Variants in C2orf78 observed in about 807,000 individuals in gnomAD.
The protein encoded by C2orf78 is uncharacterized protein C2orf78.
A neutral mutation model predicts 21.4 loss-of-function variants in C2orf78; 12 were observed. The ratio of observed to expected loss-of-function variants is 0.56; its 90% confidence interval spans 0.36 to 0.91. The LOEUF (loss-of-function observed/expected upper bound fraction) is 0.91. C2orf78 is among the 40% of genes least tolerant of loss of function. The probability of loss-of-function intolerance (pLI) is 0.01; values close to 1 mark genes in which losing one functional copy is unlikely to be tolerated. For missense variants in C2orf78, 1,042 were observed against 1,092.4 expected (o/e 0.95, Z 0.65); for synonymous variants, 396 against 413.9 (o/e 0.96, Z 0.52).
exon 1 of C2orf78, chr2:73,784,326 C>T (rs1373197470): frequency 6.5e-6 from 8 of 1,231,502 alleles, no homozygotes; most frequent in Non-Finnish European, 9.2e-6. Flanking sequence ...TGGTTGGCTT[C>T]AGCCACCCAG....
At chr2:73,816,641 A>G in exon 3 of C2orf78, 2 of 1,613,646 alleles carry the variant, frequency 1.2e-6, no homozygotes, top group Non-Finnish European at 8.5e-7. Context: ...CTGTCCCTCA[A>G]TCTGCTGCTT....
chr2:73,812,493 CT>C (rs796641354), intron 1 of C2orf78, among the ~76,000 whole-genome samples: 29 of 152,196 alleles, frequency 1.9e-4, no homozygotes, highest in African/African-American at 5.8e-4. Flanking sequence ...GTTTAACTAG[CT>C]TTTTTCTTTC....
At chr2:73,810,151 T>G (rs1209317124) in intron 1 of C2orf78, among the ~76,000 whole-genome samples, 1 of 152,120 alleles carries the variant, frequency 6.6e-6, no homozygotes, top group African/African-American at 2.4e-5. Flanking sequence ...AAGCACCTTA[T>G]CAGAAGTCAT....
chr2:73,784,682 A>G (rs1301968789), intron 1 of C2orf78, among the ~76,000 whole-genome samples: 5 of 151,276 alleles, frequency 3.3e-5, no homozygotes, highest in African/African-American at 9.8e-5. Flanking sequence ...ACTGAGTCTT[A>G]AAGGGTATAC....
chr2:73,813,700 G>C (rs1368720189), exon 2 of C2orf78: 2 of 1,614,006 alleles, frequency 1.2e-6, no homozygotes, highest in Non-Finnish European at 1.7e-6. Flanking sequence ...CAACTATGTT[G>C]TCTGGGGTTA....
intron 1 of C2orf78, among the ~76,000 whole-genome samples, chr2:73,807,478 T>A (rs555709147): frequency 1.4e-3 from 16 of 11,606 alleles, no homozygotes; most frequent in African/African-American, 2.8e-3. Context: ...GAAAGTATCC[T>A]GAATGCCTCT....
intron 1 of C2orf78, among the ~76,000 whole-genome samples, chr2:73,810,020 A>G (rs1300226026): frequency 6.6e-6 from 1 of 152,214 alleles, no homozygotes; most frequent in Non-Finnish European, 1.5e-5. Context: ...ATTTGAAAAA[A>G]AAAGCAAAAG....
At chr2:73,812,550 C>T (rs1350338095) in intron 1 of C2orf78, among the ~76,000 whole-genome samples, 1 of 152,038 alleles carries the variant, frequency 6.6e-6, no homozygotes, top group African/African-American at 2.4e-5. Flanking sequence ...CCTGTAATCC[C>T]AGCACTTTGG....
Position 73,815,011 on chromosome 2 carries a change from G to T in C2orf78, c.848-60G>T, listed in dbSNP as rs150890453. On this transcript the variant is annotated intron_variant, in intron 2 of 2. Transcript: ENST00000409561. Reference sequence around the variant, plus strand: ...TGGAAAGGTATCCGATTGCTGCACTGGTGTGTAGGGGGAGCATCTCACTTA... The same window carrying T: ...TGGAAAGGTATCCGATTGCTGCACTTGTGTGTAGGGGGAGCATCTCACTTA... The T allele has an allele frequency of 3.3e-6, 5 of 1,503,134 alleles. No individual in the cohort carries two copies. The African/African-American group carries it at 6.9e-5, about 21-fold the overall frequency. The allele number at this position is 1,503,134 out of a possible 1,614,324, so 93.1% of individuals were successfully genotyped here. A position where few individuals can be genotyped will look rare whatever the true frequency, so the allele number is the denominator to read the frequency against.
At chr2:73,814,080 A>G (rs1673144326) in exon 2 of C2orf78, 1 of 1,613,648 alleles carries the variant, frequency 6.2e-7, no homozygotes, top group Non-Finnish European at 8.5e-7. Flanking sequence ...TCTGTGTCAT[A>G]CACAGGATAT....
chr2:73,808,941 T>C, intron 1 of C2orf78: 1 of 633,456 alleles, frequency 1.6e-6, no homozygotes, highest in Admixed American at 2.9e-5. Context: ...TCATGAGATT[T>C]CTTTGCCACT....
intron 2 of C2orf78, 72 bp downstream of exon 2, chr2:73,814,298 G>A: frequency 6.8e-7 from 1 of 1,471,270 alleles, no homozygotes; most frequent in Non-Finnish European, 9.1e-7. Context: ...TGTAGCGAGT[G>A]GTGAGTCCGT....
rs771430637 is a variant in C2orf78 at position 73,814,140 on chromosome 2, A to C, written c.761A>C (p.Gln254Pro). Reference sequence around the variant, plus strand: ...ATGGTGATGGTGCTGAAGGAGGTTCAGCCCACAAATGTCCTACCACCAGTC... The same window carrying C: ...ATGGTGATGGTGCTGAAGGAGGTTCCGCCCACAAATGTCCTACCACCAGTC... Residue 254 changes from glutamine to proline, a missense_variant, in exon 2 of 3, where the codon CAG (glutamine) becomes CCG (proline). Coordinates refer to ENST00000409561, the Ensembl canonical transcript of C2orf78. 16 of 1,611,650 alleles carry C rather than the reference A, an allele frequency of 9.9e-6. No individual in the cohort carries two copies. In the African/African-American group the frequency reaches 1.9e-4, roughly 19 times the overall value.
At chr2:73,810,872 A>G (rs1283904515) in intron 1 of C2orf78, among the ~76,000 whole-genome samples, 1 of 138,982 alleles carries the variant, frequency 7.2e-6, no homozygotes, top group Non-Finnish European at 1.5e-5. Flanking sequence ...ATATACATAT[A>G]AATTTTAAAT....
At chr2:73,811,678 C>T (rs1345900447) in intron 1 of C2orf78, among the ~76,000 whole-genome samples, 1 of 152,084 alleles carries the variant, frequency 6.6e-6, no homozygotes, top group African/African-American at 2.4e-5. Context: ...AACTTTCCTA[C>T]ATTCAAAACA....
intron 1 of C2orf78, among the ~76,000 whole-genome samples, chr2:73,812,549 C>T (rs571911366): frequency 6.6e-6 from 1 of 152,150 alleles, no homozygotes; most frequent in East Asian, 1.9e-4. Flanking sequence ...ACCTGTAATC[C>T]CAGCACTTTG....
rs753783897 is a variant in C2orf78, at chr2:73,815,297, GA to G, written c.1076del (p.Asn359MetfsTer15). 3.1e-6 allele frequency: 5 copies of G among 1,613,874 alleles called. No homozygotes were observed. The highest frequency in any genetic ancestry group is 4.2e-6 in the Non-Finnish European group (5 of 1,179,872). ...CAGCTCCAAGCCAGGAAAAAAATGA[GA>G]ATGAGAATTTGGATGAGATTAAAAC... On this transcript the variant is annotated frameshift_variant, in exon 3 of 3. Coordinates refer to ENST00000409561, the Ensembl canonical transcript of C2orf78. LOFTEE classifies it low-confidence loss of function (END_TRUNC).
At chr2:73,812,512 A>C (rs1363027615) in intron 1 of C2orf78, among the ~76,000 whole-genome samples, 1 of 152,108 alleles carries the variant, frequency 6.6e-6, no homozygotes, top group Admixed American at 6.6e-5. Context: ...TTCAAAAAGC[A>C]TTTCTTGGCC....
exon 3 of C2orf78, chr2:73,815,223 A>T: frequency 6.2e-7 from 1 of 1,613,958 alleles, no homozygotes; most frequent in South Asian, 1.1e-5. Flanking sequence ...GCTTGGGGAC[A>T]TTTCAATAAC....
Sources: allele counts gnomAD v4.1 joint callset (sites outside exome capture counted in the v4.1 genomes callset), GRCh38; gene constraint gnomAD v4.1.1; transcripts MANE v1.5; gene names NCBI Gene and HGNC (gene_info 2026-07-23, HGNC 2026-07-21).